The following C6 variants were observed in gnomAD, a reference collection of about 807,000 sequenced individuals.
C6 encodes complement component C6.
A neutral mutation model predicts 112.9 loss-of-function variants in C6; 101 were observed. The ratio of observed to expected loss-of-function variants is 0.89; its 90% CI spans 0.76 to 1.06. The LOEUF is 1.06. C6 is among the 50% of genes least tolerant of loss of function. The pLI is 0.00. For missense variants in C6, 1,202 were observed against 1,104.6 expected, an observed-to-expected ratio of 1.09 and a Z score of -1.25; for synonymous variants, 431 against 384.1, an observed-to-expected ratio of 1.12 and a Z score of -1.43.
intron 11 of C6, 56 bp from the exon 12 acceptor site, chr5:41,159,309 G>A: frequency 6.3e-7 from 1 of 1,587,870 alleles, no homozygotes; most frequent in Non-Finnish European, 8.6e-7. Flanking sequence ...ATTTGGGTTT[G>A]GAAGTGAGGC....
intron 1 of C6, among the ~76,000 whole-genome samples, chr5:41,233,236 C>G (rs1016795762): frequency 6.6e-6 from 1 of 152,122 alleles, no homozygotes. Context: ...GATAACTGCT[C>G]TAACTACTCA....
chr5:41,219,805 A>T (rs1739052368), intron 1 of C6, among the ~76,000 whole-genome samples: 1 of 152,162 alleles, frequency 6.6e-6, no homozygotes, highest in Admixed American at 6.6e-5. Context: ...CACACAAATA[A>T]ATATCAATTT....
At chr5:41,183,009 C>T (rs1749472922) in intron 6 of C6, among the ~76,000 whole-genome samples, 1 of 152,166 alleles carries the variant, frequency 6.6e-6, no homozygotes, top group South Asian at 2.1e-4. Context: ...GTGGGTTAAC[C>T]CAGTGATCTG....
chr5:41,250,872 C>A (rs922671885), intron 1 of C6, among the ~76,000 whole-genome samples: 2 of 152,184 alleles, frequency 1.3e-5, no homozygotes, highest in Non-Finnish European at 2.9e-5. Context: ...AGAGATGTCA[C>A]CTTCCCAGAA....
At chr5:41,237,173 T>C (rs1740376415) in intron 1 of C6, among the ~76,000 whole-genome samples, 1 of 137,488 alleles carries the variant, frequency 7.3e-6, no homozygotes, top group Non-Finnish European at 1.5e-5. Flanking sequence ...TACCATTCCT[T>C]CTGAAACTTT....
intron 9 of C6, among the ~76,000 whole-genome samples, chr5:41,164,135 G>A (rs1034234428): frequency 6.6e-6 from 1 of 150,992 alleles, no homozygotes; most frequent in Non-Finnish European, 1.5e-5. Flanking sequence ...AGGGAGAGAG[G>A]GAGGGAAAAT....
chr5:41,223,557 T>C (rs536659618), intron 1 of C6, among the ~76,000 whole-genome samples: 11 of 152,292 alleles, frequency 7.2e-5, no homozygotes, highest in Admixed American at 3.3e-4. Flanking sequence ...TTTTGTGCGA[T>C]TGTATTGGCT....
rs1384588271 is a variant in C6, at chr5:41,199,795, A to T, written c.418T>A (p.Cys140Ser). The change falls in exon 4 of 18, where the codon TGC becomes AGC. Residue 140 changes from cysteine (C) to serine (S), a missense_variant. Physicochemically the swap from Cys to Ser is moderately radical, Grantham distance 112. Transcript: ENST00000337836. ...CTGTCACAGCGAAATTTATTCTTGC[A>T]GTCAGCCTCTTCAATTTTGCAGAGC... ...SKLCKIEEAD[C>S]KNKFRCDSGR... 6.2e-7 allele frequency: 1 copy of T among 1,613,832 alleles called. No individual in the cohort carries two copies.
chr5:41,236,498 G>T (rs1442624402), intron 1 of C6, among the ~76,000 whole-genome samples: 1 of 143,678 alleles, frequency 7.0e-6, no homozygotes, highest in Non-Finnish European at 1.5e-5. Context: ...ACGAAATGAA[G>T]GCAGAAATAA....
chr5:41,168,190 C>A (rs1294883502), intron 9 of C6, among the ~76,000 whole-genome samples: 1 of 152,032 alleles, frequency 6.6e-6, no homozygotes, highest in Non-Finnish European at 1.5e-5. Flanking sequence ...AGGATCAGAT[C>A]CTGAAGCACT....
chr5:41,225,682 C>T (rs181899035), intron 1 of C6, among the ~76,000 whole-genome samples: 4 of 152,248 alleles, frequency 2.6e-5, no homozygotes, highest in Admixed American at 1.3e-4. Flanking sequence ...ACAGTCCCAC[C>T]AACAGTGTAA....
chr5:41,237,052 C>G (rs1740365610), intron 1 of C6, among the ~76,000 whole-genome samples: 1 of 148,202 alleles, frequency 6.7e-6, no homozygotes, highest in African/African-American at 2.5e-5. Flanking sequence ...CTGAATAGAC[C>G]AATAACAGGC....
chr5:41,206,422 T>C (rs1032209654), intron 1 of C6, among the ~76,000 whole-genome samples: 2 of 152,184 alleles, frequency 1.3e-5, no homozygotes, highest in African/African-American at 4.8e-5. Flanking sequence ...AATAACAGAC[T>C]TCTCTGAGCT....
At chr5:41,198,633 A>C (rs926903637) in intron 4 of C6, among the ~76,000 whole-genome samples, 6 of 152,216 alleles carry the variant, frequency 3.9e-5, no homozygotes, top group African/African-American at 1.4e-4. Flanking sequence ...AGCTGTGCTT[A>C]CACTGCTAAC....
At chr5:41,221,503 C>T (rs944585621) in intron 1 of C6, among the ~76,000 whole-genome samples, 8 of 152,082 alleles carry the variant, frequency 5.3e-5, no homozygotes, top group Non-Finnish European at 8.8e-5. Context: ...AGGGAATATA[C>T]ATAAAATGTA....
chr5:41,242,820 A>G (rs1188447789), intron 1 of C6, among the ~76,000 whole-genome samples: 1 of 152,204 alleles, frequency 6.6e-6, no homozygotes, highest in African/African-American at 2.4e-5. Flanking sequence ...TCCTTAAAAA[A>G]GAAGGAAATT....
chr5:41,235,297 A>G (rs1179428959), intron 1 of C6, among the ~76,000 whole-genome samples: 1 of 138,994 alleles, frequency 7.2e-6, no homozygotes, highest in Non-Finnish European at 1.5e-5. Flanking sequence ...TCATTGTTCA[A>G]TTCCCACCTA....
intron 1 of C6, among the ~76,000 whole-genome samples, chr5:41,226,693 T>A (rs1233505208): frequency 6.6e-6 from 1 of 152,152 alleles, no homozygotes; most frequent in Admixed American, 6.6e-5. Context: ...CCCACATAAG[T>A]GAGATCACAC....
At position 41,203,277 on chromosome 5, in the gene C6, A is replaced by G. The variant is rs369549926; in HGVS notation, c.-20-27T>C. 13 of 1,610,722 alleles carry G rather than the reference A, an allele frequency of 8.1e-6. No homozygotes were observed. In the African/African-American group the frequency reaches 9.3e-5, roughly 12 times the overall value. ...TAAAATGAAAGAATACATAACACAT[A>G]TCAAATGCTTTTTTGAGGTAAACCT... is the stretch of plus-strand genomic sequence containing the variant. On this transcript the variant is annotated intron_variant, in intron 1 of 17. Coordinates refer to ENST00000337836, the MANE Select transcript of C6 (RefSeq NM_000065.5).
Sources: gnomAD v4.1 joint callset for allele counts (sites outside exome capture counted in the v4.1 genomes callset) on GRCh38, gnomAD v4.1.1 for gene constraint, MANE v1.5 for transcripts, NCBI Gene and HGNC (gene_info 2026-07-23, HGNC 2026-07-21) for gene names.